The following CYTH1 variants were observed in gnomAD, a reference collection of about 807,000 sequenced individuals.
CYTH1 encodes cytohesin 1, also known as cytohesin-1.
Under a neutral mutation model 61.8 loss-of-function variants are expected in CYTH1, and 18 were observed. That is an observed-to-expected ratio of 0.29 (90% CI 0.20 to 0.43). The LOEUF (loss-of-function observed/expected upper bound fraction) is 0.43. CYTH1 is among the 20% of genes least tolerant of loss of function. The pLI is 1.00. For missense variants in CYTH1, 336 were observed against 510.5 expected (o/e 0.66, Z 3.29); for synonymous variants, 174 against 184.3 (o/e 0.94, Z 0.45).
intron 1 of CYTH1, among the ~76,000 whole-genome samples, chr17:78,755,566 T>C (rs995762098): frequency 5.3e-5 from 8 of 149,714 alleles, no homozygotes; most frequent in African/African-American, 1.7e-4. Context: ...TTACATAAAA[T>C]TCTAGGAAAT....
rs561217176 is a variant in CYTH1, at chr17:78,771,599, C to T, written c.22+10603G>A. On this transcript the variant is annotated intron_variant, in intron 1 of 13. Coordinates refer to ENST00000446868, the MANE Select transcript of CYTH1 (RefSeq NM_004762.6). Reference sequence around the variant, plus strand: ...TACAAAAATTAGCTGGGCATGGTGGCATGCACCTGTAATCCCAGCTACTTG... The same window carrying T: ...TACAAAAATTAGCTGGGCATGGTGGTATGCACCTGTAATCCCAGCTACTTG... 4.0e-5 allele frequency among the ~76,000 whole-genome samples: 6 copies of T among 151,708 alleles called. No individual in the cohort carries two copies. The East Asian group carries it at 1.2e-3, about 30-fold the overall frequency.
At chr17:78,715,770 T>C (rs2093175740) in intron 1 of CYTH1, among the ~76,000 whole-genome samples, 1 of 152,130 alleles carries the variant, frequency 6.6e-6, no homozygotes, top group Non-Finnish European at 1.5e-5. Context: ...GGCTCTACGG[T>C]GAGTGGTATC....
chr17:78,777,655 A>C (rs1421496203), intron 1 of CYTH1, among the ~76,000 whole-genome samples: 1 of 151,976 alleles, frequency 6.6e-6, no homozygotes, highest in Non-Finnish European at 1.5e-5. Flanking sequence ...TTTTAATACT[A>C]AAAGGTAGCC....
chr17:78,763,827 T>G (rs936405154), intron 1 of CYTH1, among the ~76,000 whole-genome samples: 6 of 152,172 alleles, frequency 3.9e-5, no homozygotes, highest in African/African-American at 1.4e-4. Context: ...AAACATAGAA[T>G]AGGCCAGGCG....
intron 1 of CYTH1, among the ~76,000 whole-genome samples, chr17:78,768,546 C>T (rs1229327349): frequency 1.3e-5 from 2 of 152,296 alleles, no homozygotes; most frequent in South Asian, 2.1e-4. Flanking sequence ...ACCTTCGTCA[C>T]CCTGTCTCTT....
intron 1 of CYTH1, among the ~76,000 whole-genome samples, chr17:78,773,456 C>T (rs2093479412): frequency 6.6e-6 from 1 of 151,926 alleles, no homozygotes; most frequent in African/African-American, 2.4e-5. Context: ...ATGGTGAAAC[C>T]CCATCTCTAC....
intron 1 of CYTH1, among the ~76,000 whole-genome samples, chr17:78,746,822 G>A (rs1002092364): frequency 3.3e-5 from 5 of 152,076 alleles, no homozygotes; most frequent in African/African-American, 1.2e-4. Flanking sequence ...CGTGCCTGTA[G>A]TCTCAGCTAC....
intron 1 of CYTH1, among the ~76,000 whole-genome samples, chr17:78,763,313 AAAAG>A (rs1329230747): frequency 1.3e-5 from 2 of 152,166 alleles, no homozygotes; most frequent in African/African-American, 4.8e-5. Context: ...AAAAAAAAAA[AAAAG>A]ACTTTTAATC....
intron 1 of CYTH1, among the ~76,000 whole-genome samples, chr17:78,766,947 T>G (rs2093451145): frequency 6.6e-6 from 1 of 152,160 alleles, no homozygotes; most frequent in South Asian, 2.1e-4. Flanking sequence ...CTTTAGAATC[T>G]CTCTACTTCT....
rs144110183 is a variant in CYTH1 at position 78,750,538 on chromosome 17, G to T, written c.22+31664C>A. Among the ~76,000 whole-genome samples the T allele has an allele frequency of 4.0e-3, 607 of 152,356 alleles. 2 individuals are homozygous for T. The highest frequency in any genetic ancestry group is 7.0e-3 in the Non-Finnish European group (475 of 68,036). On this transcript the variant is annotated intron_variant, in intron 1 of 13. Transcript: ENST00000446868. Reference sequence around the variant, plus strand: ...AAAGTTGTTGCTGTTGCCGGGCACAGTGGCTCATGCCTGTAATCCCAGCAC... The same window carrying T: ...AAAGTTGTTGCTGTTGCCGGGCACATTGGCTCATGCCTGTAATCCCAGCAC...
chr17:78,708,964 AACC>A (rs1261863277), intron 2 of CYTH1: 17 of 152,446 alleles, frequency 1.1e-4, no homozygotes, highest in African/African-American at 4.1e-4. Context: ...TTCCCTCCTT[AACC>A]CCACTCCTAA....
In CYTH1 at chr17:78,717,240, C is replaced by T. The variant is rs2093188870; in HGVS notation, c.23-7508G>A. Among the ~76,000 whole-genome samples the T allele has an allele frequency of 6.6e-6, 1 of 152,164 alleles. No individual in the cohort carries two copies. Among genetic ancestry groups the T allele is most frequent in the South Asian group, 2.1e-4 (1 of 4,834 alleles). On this transcript the variant is annotated intron_variant, in intron 1 of 13. Transcript: ENST00000446868. The surrounding 1 kb of genome is among the most constrained non-coding windows in gnomAD (Gnocchi z 4.4). The stretch of plus-strand genomic sequence containing the variant: ...CAATGGAGACAAACCAGAGGGGGAG[C>T]CGCCCTGACACACCACCCGGTCGCT...
chr17:78,760,090 C>T (rs6501248), intron 1 of CYTH1, among the ~76,000 whole-genome samples: 7,342 of 151,756 alleles, frequency 0.048, 309 homozygotes, highest in South Asian at 0.12. Flanking sequence ...AGGGATTCTG[C>T]GGGTTAGTCA....
At chr17:78,770,397 T>C (rs1215674585) in intron 1 of CYTH1, among the ~76,000 whole-genome samples, 2 of 145,506 alleles carry the variant, frequency 1.4e-5, no homozygotes, top group African/African-American at 2.6e-5. Flanking sequence ...TACTACAAAA[T>C]AGGCGGGTTT....
chr17:78,752,643 C>G (rs2144678107), intron 1 of CYTH1, among the ~76,000 whole-genome samples: 1 of 152,182 alleles, frequency 6.6e-6, no homozygotes, highest in South Asian at 2.1e-4. Flanking sequence ...ATTGGCCAGG[C>G]TGGCCGCAAA....
At chr17:78,691,493 A>T (rs2092885668) in intron 11 of CYTH1, 1 of 152,242 alleles carries the variant, frequency 6.6e-6, no homozygotes, top group South Asian at 2.1e-4. Flanking sequence ...CTCTAAACTG[A>T]TTTTAAAAGA....
At chr17:78,696,144 T>C in intron 9 of CYTH1, 135 bp from the exon 10 acceptor site, 1 of 1,245,980 alleles carries the variant, frequency 8.0e-7, no homozygotes. Context: ...CATTCATGCC[T>C]GCCTGGGGAG....
intron 6 of CYTH1, 106 bp downstream of exon 6, chr17:78,701,565 A>G: frequency 3.7e-6 from 4 of 1,072,750 alleles, no homozygotes; most frequent in Non-Finnish European, 5.6e-6. Flanking sequence ...AAATATTCAA[A>G]TCATACCCAA....
Position 78,700,269 on chromosome 17 carries a change from T to C in CYTH1, c.550+62A>G. 1 of 1,393,788 alleles carries C rather than the reference T, an allele frequency of 7.2e-7. No homozygotes were observed. The highest frequency in any genetic ancestry group is 9.7e-7 in the Non-Finnish European group (1 of 1,027,240). 86.3% of individuals were successfully genotyped at this position (1,393,788 alleles called of 1,614,324 possible). On this transcript the variant is annotated intron_variant, in intron 7 of 13. Transcript: ENST00000446868. The surrounding 1 kb of genome is among the most constrained non-coding windows in gnomAD (Gnocchi z 5.1). ...CCCTTTTGTTTTAGAAATTATCTGG[T>C]GCCAAGAAAATAATCCAGTGTAAAA...
Sources: gnomAD v4.1 joint callset for allele counts (sites outside exome capture counted in the v4.1 genomes callset) on GRCh38, gnomAD v4.1.1 for gene constraint, Gnocchi (gnomAD v3.1) non-coding constraint, MANE v1.5 for transcripts, NCBI Gene and HGNC (gene_info 2026-07-23, HGNC 2026-07-21) for gene names.